The following MTSS1 variants were observed in gnomAD, a reference collection of about 807,000 sequenced individuals.
MTSS1 encodes the protein MTSS I-BAR domain containing 1.
Under a neutral mutation model 79.0 loss-of-function variants are expected in MTSS1, and 18 were observed. The ratio of observed to expected loss-of-function variants is 0.23; its 90% CI spans 0.16 to 0.34. The LOEUF (loss-of-function observed/expected upper bound fraction) is 0.34. MTSS1 is among the 10% of genes least tolerant of loss of function. The probability of loss-of-function intolerance (pLI) is 1.00; values close to 1 mark genes in which losing one functional copy is unlikely to be tolerated. For synonymous variants in MTSS1, 341 were observed against 368.6 expected (o/e 0.93, Z 0.86); for missense variants, 815 against 986.2 (o/e 0.83, Z 2.33).
intron 3 of MTSS1, among the ~76,000 whole-genome samples, chr8:124,695,305 A>G (rs1828613269): frequency 6.6e-6 from 1 of 151,348 alleles, no homozygotes; most frequent in South Asian, 2.1e-4. Flanking sequence ...GATAACTGCA[A>G]TTCCCTCCTA....
intron 3 of MTSS1, among the ~76,000 whole-genome samples, chr8:124,594,528 TCAA>T (rs973312066): frequency 1.1e-4 from 16 of 151,860 alleles, no homozygotes; most frequent in East Asian, 3.9e-4. Flanking sequence ...AGACTCTGTC[TCAA>T]CAACAACAAC....
At chr8:124,713,512 C>T (rs1831469897) in intron 1 of MTSS1, among the ~76,000 whole-genome samples, 2 of 152,214 alleles carry the variant, frequency 1.3e-5, no homozygotes, top group Admixed American at 6.5e-5. Context: ...CAACCTCCGA[C>T]TATGAGGTTC....
At chr8:124,568,273 TTCCTGA>T in intron 7 of MTSS1, 100 bp downstream of exon 7, 1 of 1,336,820 alleles carries the variant, frequency 7.5e-7, no homozygotes, top group Non-Finnish European at 1.0e-6. Context: ...ACCATCATGA[TTCCTGA>T]CAGTAGATTC....
At chr8:124,632,247 T>A (rs994872861) in intron 3 of MTSS1, among the ~76,000 whole-genome samples, 13 of 139,734 alleles carry the variant, frequency 9.3e-5, no homozygotes, top group East Asian at 2.1e-4. Flanking sequence ...ACCACTGCAC[T>A]CTAGCCTAGG....
chr8:124,567,039 G>A, intron 8 of MTSS1, 32 bp downstream of exon 8: 3 of 1,534,376 alleles, frequency 2.0e-6, no homozygotes, highest in Non-Finnish European at 2.7e-6. Flanking sequence ...TCTTTGGTTT[G>A]ATCCTGTAAG....
intron 1 of MTSS1, among the ~76,000 whole-genome samples, chr8:124,707,693 G>C: frequency 6.6e-6 from 1 of 151,298 alleles, no homozygotes; most frequent in Non-Finnish European, 1.5e-5. Flanking sequence ...AGGCGAAAGA[G>C]CGAGACTCCA....
chr8:124,654,560 G>T (rs547414141), intron 3 of MTSS1, among the ~76,000 whole-genome samples: 1 of 152,044 alleles, frequency 6.6e-6, no homozygotes, highest in African/African-American at 2.4e-5. Flanking sequence ...ACATTGAAAG[G>T]TTCATACTAG....
intron 3 of MTSS1, among the ~76,000 whole-genome samples, chr8:124,618,248 T>C (rs1812793605): frequency 6.6e-6 from 1 of 152,158 alleles, no homozygotes; most frequent in South Asian, 2.1e-4. Context: ...CCCAGGCCTG[T>C]CTACTTCAAA....
At chr8:124,648,714 C>CCCA (rs1554694568) in intron 3 of MTSS1, among the ~76,000 whole-genome samples, 2 of 151,860 alleles carry the variant, frequency 1.3e-5, no homozygotes, top group African/African-American at 4.9e-5. Context: ...TAGCAGCCCC[C>CCCA]CCCCAGATAC....
At chr8:124,605,117 C>A (rs1299521515) in intron 3 of MTSS1, among the ~76,000 whole-genome samples, 1 of 152,190 alleles carries the variant, frequency 6.6e-6, no homozygotes, top group Admixed American at 6.5e-5. Flanking sequence ...GGTTGCAACA[C>A]CCTGTGGGGG....
intron 13 of MTSS1, among the ~76,000 whole-genome samples, chr8:124,555,000 C>T (rs1160188276): frequency 6.6e-6 from 1 of 152,168 alleles, no homozygotes; most frequent in African/African-American, 2.4e-5. Context: ...TGTGCTGCTA[C>T]ACCTGGCTAA....
intron 3 of MTSS1, among the ~76,000 whole-genome samples, chr8:124,661,545 C>G (rs1822029392): frequency 6.6e-6 from 1 of 152,218 alleles, no homozygotes; most frequent in African/African-American, 2.4e-5. Context: ...AGCTTGAAAA[C>G]TGGACAGGCC....
chr8:124,679,622 G>A (rs761559596), intron 3 of MTSS1, among the ~76,000 whole-genome samples: 5 of 152,230 alleles, frequency 3.3e-5, no homozygotes, highest in Non-Finnish European at 5.9e-5. Flanking sequence ...AACATGTTCA[G>A]AGCATGTTGG....
At chr8:124,715,432 C>T (rs73345891) in intron 1 of MTSS1, among the ~76,000 whole-genome samples, 2,896 of 151,904 alleles carry the variant, frequency 0.019, 103 homozygotes, top group African/African-American at 0.067. Flanking sequence ...GAGACCTCTC[C>T]GCAGCCAAGG....
At chr8:124,639,061 A>T (rs1174175789) in intron 3 of MTSS1, among the ~76,000 whole-genome samples, 1 of 152,198 alleles carries the variant, frequency 6.6e-6, no homozygotes. Flanking sequence ...GGCCTGGCCC[A>T]GGTGGTGGCT....
chr8:124,653,940 T>C (rs1261704824), intron 3 of MTSS1, among the ~76,000 whole-genome samples: 2 of 152,148 alleles, frequency 1.3e-5, no homozygotes, highest in African/African-American at 4.8e-5. Context: ...TCCATGCCCA[T>C]CAGGAAGCGG....
intron 10 of MTSS1, 144 bp from the exon 11 acceptor site, chr8:124,558,019 C>T: frequency 1.5e-6 from 1 of 655,184 alleles, no homozygotes; most frequent in South Asian, 2.1e-5. Context: ...CTCTGCTGCT[C>T]ACGGATGATC....
At chr8:124,638,261 A>G (rs750695317) in intron 3 of MTSS1, among the ~76,000 whole-genome samples, 7 of 152,270 alleles carry the variant, frequency 4.6e-5, no homozygotes, top group Admixed American at 1.3e-4. Flanking sequence ...TTTCACAACT[A>G]CAAAAGGCTT....
chr8:124,568,784 C>G (rs971298027), intron 6 of MTSS1: 2 of 1,449,388 alleles, frequency 1.4e-6, no homozygotes, highest in African/African-American at 2.9e-5. Flanking sequence ...TGGGGCAACT[C>G]TTCATGACTT....
Sources: allele counts gnomAD v4.1 joint callset (sites outside exome capture counted in the v4.1 genomes callset), GRCh38; gene constraint gnomAD v4.1.1; transcripts MANE v1.5; gene names NCBI Gene and HGNC (gene_info 2026-07-23, HGNC 2026-07-21).